The following SCAMP1 variants were observed in gnomAD, a reference collection of about 807,000 sequenced individuals.
SCAMP1 encodes secretory carrier-associated membrane protein 1.
Under a neutral mutation model 41.8 loss-of-function variants are expected in SCAMP1, and 15 were observed. That is an observed-to-expected ratio of 0.36 (90% CI 0.24 to 0.55). The LOEUF (loss-of-function observed/expected upper bound fraction) is 0.55, where lower values mean the gene tolerates loss of function less well. Ranked by LOEUF, SCAMP1 falls within the 20% of genes least tolerant of loss-of-function variation. The pLI, the probability that SCAMP1 is intolerant of heterozygous loss-of-function variation, is 0.86. For missense variants in SCAMP1, 341 were observed against 412.6 expected (o/e 0.83, Z 1.50); for synonymous variants, 135 against 136.8 (o/e 0.99, Z 0.09).
intron 6 of SCAMP1, among the ~76,000 whole-genome samples, chr5:78,446,278 CAT>C (rs1171483936): frequency 2.0e-5 from 3 of 152,118 alleles, no homozygotes; most frequent in Non-Finnish European, 4.4e-5. Flanking sequence ...ATTTTTAAAA[CAT>C]ATTCAGTATC....
intron 6 of SCAMP1, among the ~76,000 whole-genome samples, chr5:78,441,412 A>G (rs1394031794): frequency 1.3e-5 from 2 of 152,234 alleles, no homozygotes; most frequent in Admixed American, 6.5e-5. Context: ...TTTAGGGGGG[A>G]AAATGATGTT....
At chr5:78,435,617 G>C (rs1384408990) in intron 6 of SCAMP1, among the ~76,000 whole-genome samples, 1 of 152,124 alleles carries the variant, frequency 6.6e-6, no homozygotes, top group Non-Finnish European at 1.5e-5. Context: ...TCTTAATCTA[G>C]TCTATCATTG....
At chr5:78,434,926 G>A (rs1487629334) in intron 6 of SCAMP1, among the ~76,000 whole-genome samples, 1 of 152,136 alleles carries the variant, frequency 6.6e-6, no homozygotes, top group Non-Finnish European at 1.5e-5. Flanking sequence ...TCTGGATTCT[G>A]TGTGTATTCT....
chr5:78,422,895 C>T (rs1349425274), intron 6 of SCAMP1, among the ~76,000 whole-genome samples: 1 of 152,036 alleles, frequency 6.6e-6, no homozygotes, highest in African/African-American at 2.4e-5. Context: ...AGGATATATG[C>T]GTGTGTTGTT....
chr5:78,383,859 G>A lies in SCAMP1; in HGVS notation c.58-4978G>A, dbSNP rs142687469. Reference sequence around the variant, plus strand: ...GCCTTATGGTATAGTTTGAAGTCTGGTAATGTAATGCCTCCAGTTTTGTCC... The same window carrying A: ...GCCTTATGGTATAGTTTGAAGTCTGATAATGTAATGCCTCCAGTTTTGTCC... On this transcript the variant is annotated intron_variant, in intron 1 of 8. Transcript: ENST00000621999. 1.1e-3 allele frequency among the ~76,000 whole-genome samples: 164 copies of A among 152,224 alleles called. 1 individual carries two copies. Among genetic ancestry groups the A allele is most frequent in the African/African-American group, 3.8e-3 (159 of 41,542 alleles).
At chr5:78,415,414 G>A (rs911535776) in intron 2 of SCAMP1, 106 bp from the exon 3 acceptor site, 4 of 660,308 alleles carry the variant, frequency 6.1e-6, no homozygotes, top group Non-Finnish European at 5.3e-6. Flanking sequence ...AGGGAATGAA[G>A]AGATGCAGAT....
intron 2 of SCAMP1, among the ~76,000 whole-genome samples, chr5:78,413,325 A>T (rs892205821): frequency 1.3e-5 from 2 of 151,132 alleles, no homozygotes; most frequent in African/African-American, 2.4e-5. Context: ...TCTGTATTAC[A>T]CTCTTAATTA....
chr5:78,391,842 C>CA (rs537960482), intron 2 of SCAMP1, among the ~76,000 whole-genome samples: 73 of 152,224 alleles, frequency 4.8e-4, no homozygotes, highest in African/African-American at 1.5e-3. Flanking sequence ...CCGTCTCCAC[C>CA]AAAAAAATAC....
Position 78,477,815 on chromosome 5 carries a change from T to C in SCAMP1, c.*2147T>C, listed in dbSNP as rs911129997. The C allele has an allele frequency of 3.3e-5, 5 of 152,152 alleles. No homozygotes were observed. Among genetic ancestry groups the C allele is most frequent in the Admixed American group, 6.5e-5 (1 of 15,282 alleles). The allele number at this position is 152,152 out of a possible 1,614,324, so 9.4% of individuals were successfully genotyped here. A position where few individuals can be genotyped will look rare whatever the true frequency, so the allele number is the denominator to read the frequency against. On this transcript the variant is annotated 3_prime_UTR_variant, in exon 9 of 9. Transcript: ENST00000621999. ...TGCATTGAAATGATGGCAATGCTTATAGTATGATCAAGTATGAAAGGAACT... is the reference window on the plus strand; with the variant it reads ...TGCATTGAAATGATGGCAATGCTTACAGTATGATCAAGTATGAAAGGAACT...
intron 1 of SCAMP1, among the ~76,000 whole-genome samples, chr5:78,383,890 A>T (rs1422297978): frequency 6.6e-6 from 1 of 151,556 alleles, no homozygotes; most frequent in Admixed American, 6.6e-5. Flanking sequence ...TGTCCTTTTT[A>T]CTTAGTCTTG....
chr5:78,398,766 A>G (rs1170795137), intron 2 of SCAMP1, among the ~76,000 whole-genome samples: 1 of 151,798 alleles, frequency 6.6e-6, no homozygotes, highest in East Asian at 1.9e-4. Flanking sequence ...GCTGGTCTCA[A>G]ACTCCTAGCT....
intron 6 of SCAMP1, among the ~76,000 whole-genome samples, chr5:78,442,303 C>T (rs1297215814): frequency 6.6e-6 from 1 of 152,176 alleles, no homozygotes; most frequent in African/African-American, 2.4e-5. Context: ...CAGAGTCTTT[C>T]TCTGTTGCCC....
intron 6 of SCAMP1, among the ~76,000 whole-genome samples, chr5:78,440,630 C>T (rs946612336): frequency 6.6e-6 from 1 of 152,150 alleles, no homozygotes; most frequent in African/African-American, 2.4e-5. Context: ...CTGGGAGGTG[C>T]CTCCCAGTTA....
chr5:78,456,228 T>C (rs1580710482), intron 7 of SCAMP1, among the ~76,000 whole-genome samples: 2 of 143,074 alleles, frequency 1.4e-5, no homozygotes, highest in Non-Finnish European at 3.1e-5. Context: ...CCTGTCATTA[T>C]GATGTTAGCT....
intron 1 of SCAMP1, among the ~76,000 whole-genome samples, chr5:78,377,845 A>G (rs1751105072): frequency 6.6e-6 from 1 of 152,172 alleles, no homozygotes; most frequent in Non-Finnish European, 1.5e-5. Flanking sequence ...TAACTCATGA[A>G]TTATATGATA....
intron 6 of SCAMP1, among the ~76,000 whole-genome samples, chr5:78,427,903 A>C (rs1365571918): frequency 6.6e-6 from 1 of 152,086 alleles, no homozygotes; most frequent in African/African-American, 2.4e-5. Context: ...TATTAAGTTT[A>C]TTTTTAAAAT....
chr5:78,366,260 C>T (rs1380888155), intron 1 of SCAMP1, among the ~76,000 whole-genome samples: 1 of 151,930 alleles, frequency 6.6e-6, no homozygotes, highest in East Asian at 1.9e-4. Flanking sequence ...TCCCCTACCT[C>T]AGCCTCCCGA....
chr5:78,391,322 G>A (rs1751493136), intron 2 of SCAMP1, among the ~76,000 whole-genome samples: 1 of 151,218 alleles, frequency 6.6e-6, no homozygotes, highest in Non-Finnish European at 1.5e-5. Context: ...CGGCTGGCCG[G>A]GCAGAGGGGC....
chr5:78,391,186 T>C (rs1485638710), intron 2 of SCAMP1, among the ~76,000 whole-genome samples: 2 of 151,104 alleles, frequency 1.3e-5, no homozygotes, highest in African/African-American at 2.4e-5. Context: ...CCAGACGGGG[T>C]GGTGGCCGGG....
Sources: gnomAD v4.1 joint callset for allele counts (sites outside exome capture counted in the v4.1 genomes callset) on GRCh38, gnomAD v4.1.1 for gene constraint, MANE v1.5 for transcripts, NCBI Gene and HGNC (gene_info 2026-07-23, HGNC 2026-07-21) for gene names.